Variants in C1orf21 observed in about 807,000 individuals in gnomAD.
The protein encoded by C1orf21 is uncharacterized protein C1orf21.
Under a neutral mutation model 18.7 loss-of-function variants are expected in C1orf21, and 3 were observed. The observed-to-expected ratio is 0.16, with a 90% CI of 0.07 to 0.42. The LOEUF is 0.42. Ranked by LOEUF, C1orf21 falls within the 10% of genes least tolerant of loss-of-function variation. The pLI, the probability that C1orf21 is intolerant of heterozygous loss-of-function variation, is 0.99. For missense variants in C1orf21, 104 were observed against 143.6 expected (o/e 0.72, Z 1.41); for synonymous variants, 41 against 46.4 (o/e 0.88, Z 0.47).
At chr1:184,450,705 T>G (rs1046034132) in intron 1 of C1orf21, among the ~76,000 whole-genome samples, 21 of 152,186 alleles carry the variant, frequency 1.4e-4, no homozygotes, top group Admixed American at 2.6e-4. Flanking sequence ...AATATTATAC[T>G]TAATTAAATT....
intron 2 of C1orf21, among the ~76,000 whole-genome samples, chr1:184,478,708 G>C (rs1192075956): frequency 6.6e-6 from 1 of 152,138 alleles, no homozygotes; most frequent in African/African-American, 2.4e-5. Flanking sequence ...TGATTATTTT[G>C]AAGTATGGAT....
intron 3 of C1orf21, among the ~76,000 whole-genome samples, chr1:184,520,368 G>T (rs1394810201): frequency 6.6e-6 from 1 of 152,174 alleles, no homozygotes; most frequent in Non-Finnish European, 1.5e-5. Flanking sequence ...CAGGAATCTG[G>T]TGAGTGGAAC....
At chr1:184,612,071 A>G (rs1659744179) in intron 5 of C1orf21, among the ~76,000 whole-genome samples, 2 of 152,240 alleles carry the variant, frequency 1.3e-5, no homozygotes, top group Non-Finnish European at 2.9e-5. Flanking sequence ...AAAAGGCATT[A>G]TCTCAGTGAC....
intron 1 of C1orf21, among the ~76,000 whole-genome samples, chr1:184,455,880 C>G (rs553043077): frequency 3.4e-4 from 51 of 152,230 alleles, no homozygotes; most frequent in African/African-American, 1.2e-3. Flanking sequence ...GTATAATTCT[C>G]TATGTATAGG....
intron 1 of C1orf21, among the ~76,000 whole-genome samples, chr1:184,396,171 G>C (rs1471744411): frequency 6.6e-6 from 1 of 152,180 alleles, no homozygotes; most frequent in Non-Finnish European, 1.5e-5. Flanking sequence ...GTCATGCTAA[G>C]AGTTTGGACT....
intron 5 of C1orf21, among the ~76,000 whole-genome samples, chr1:184,610,675 T>C (rs1020114944): frequency 6.6e-6 from 1 of 151,920 alleles, no homozygotes; most frequent in Non-Finnish European, 1.5e-5. Context: ...TGAAATCCTG[T>C]CTCTACTAAA....
intron 4 of C1orf21, among the ~76,000 whole-genome samples, chr1:184,591,822 A>AC (rs1180686821): frequency 6.6e-6 from 1 of 152,084 alleles, no homozygotes; most frequent in East Asian, 1.9e-4. Flanking sequence ...AAAAAAAAAA[A>AC]AGAAAATATA....
chr1:184,502,501 C>CTT (rs555448341), intron 2 of C1orf21, among the ~76,000 whole-genome samples: 2 of 148,072 alleles, frequency 1.4e-5, no homozygotes, highest in African/African-American at 2.5e-5. Flanking sequence ...CTTTTCATTT[C>CTT]TTTTTTTTTT....
At chr1:184,548,002 C>T (rs1658751452) in intron 3 of C1orf21, among the ~76,000 whole-genome samples, 1 of 152,204 alleles carries the variant, frequency 6.6e-6, no homozygotes, top group Non-Finnish European at 1.5e-5. Flanking sequence ...CCTGCTCCTC[C>T]TGACCATAGC....
At chr1:184,610,375 A>G (rs1659710772) in intron 5 of C1orf21, among the ~76,000 whole-genome samples, 1 of 152,224 alleles carries the variant, frequency 6.6e-6, no homozygotes, top group African/African-American at 2.4e-5. Flanking sequence ...GGCCCTTCCC[A>G]GAGGAAGTTT....
At chr1:184,584,602 A>G (rs1659328031) in intron 3 of C1orf21, among the ~76,000 whole-genome samples, 1 of 152,248 alleles carries the variant, frequency 6.6e-6, no homozygotes, top group African/African-American at 2.4e-5. Context: ...CGTGTCTACA[A>G]AAAGACTTCT....
At chr1:184,407,333 C>A (rs561522201) in intron 1 of C1orf21, among the ~76,000 whole-genome samples, 1 of 151,202 alleles carries the variant, frequency 6.6e-6, no homozygotes, top group Non-Finnish European at 1.5e-5. Flanking sequence ...CTAACTGTGG[C>A]TAAAACATTT....
At chr1:184,613,438 G>A (rs1156734884) in intron 5 of C1orf21, among the ~76,000 whole-genome samples, 1 of 152,176 alleles carries the variant, frequency 6.6e-6, no homozygotes, top group African/African-American at 2.4e-5. Context: ...TCTCTTTGCA[G>A]TCCTGTTGCC....
At chr1:184,567,830 C>T (rs1327731438) in intron 3 of C1orf21, 6 of 222,592 alleles carry the variant, frequency 2.7e-5, no homozygotes, top group South Asian at 2.1e-4. Flanking sequence ...TTGTTTCCTG[C>T]AAGCCCCGTG....
chr1:184,543,548 T>A (rs1221796296), intron 3 of C1orf21, among the ~76,000 whole-genome samples: 1 of 152,214 alleles, frequency 6.6e-6, no homozygotes, highest in Non-Finnish European at 1.5e-5. Flanking sequence ...TTTTTGGCCC[T>A]TGGTATCTGG....
intron 3 of C1orf21, among the ~76,000 whole-genome samples, chr1:184,577,947 G>GTTTTGTTTTTTTTTTTTTT (rs1571285782): frequency 1.2e-5 from 1 of 86,748 alleles, no homozygotes; most frequent in African/African-American, 5.5e-5. Context: ...TTTTTGTTTT[G>GTTTTGTTTTTTTTTTTTTT]TTTTTGTTTT....
At chr1:184,610,291 G>A (rs149394988) in intron 5 of C1orf21, among the ~76,000 whole-genome samples, 23 of 152,266 alleles carry the variant, frequency 1.5e-4, no homozygotes, top group East Asian at 3.9e-4. Context: ...ATCTATGGCC[G>A]CTTTCAAGCT....
rs375120028 is a variant in C1orf21, at chr1:184,559,654, TTC to T, written c.190-31083_190-31082del. Among the ~76,000 whole-genome samples, 257 of 129,148 alleles carry T rather than the reference TTC, an allele frequency of 2.0e-3. 1 individual carries two copies. The highest frequency in any genetic ancestry group is 7.2e-3 in the African/African-American group (253 of 35,024). 84.7% of individuals were successfully genotyped at this position (129,148 alleles called of 152,430 possible). A position where few individuals can be genotyped will look rare whatever the true frequency, so the allele number is the denominator to read the frequency against. On this transcript the variant is annotated intron_variant, in intron 3 of 5. Transcript: ENST00000235307. ...TACTTTCTTTCCTTTCTTTCACATG[TTC>T]TGTCACCCAGACTAAAGTGCAGTGG...
rs951458752 is a variant in C1orf21, at chr1:184,623,538, T to C, written c.*3982T>C. On this transcript the variant is annotated 3_prime_UTR_variant, in exon 6 of 6. Transcript: ENST00000235307. ...ATGATTGGTGGGGAGGGAATGTGTA[T>C]TTAGGGGCATAATAAAAAGGTGGCT... 6 of 152,164 alleles carry C rather than the reference T, an allele frequency of 3.9e-5. No homozygotes were observed. Among genetic ancestry groups the C allele is most frequent in the African/African-American group, 1.4e-4 (6 of 41,402 alleles). The allele number at this position is 152,164 out of a possible 1,614,324, so 9.4% of individuals were successfully genotyped here.
Sources: gnomAD v4.1 joint callset for allele counts (sites outside exome capture counted in the v4.1 genomes callset) on GRCh38, gnomAD v4.1.1 for gene constraint, MANE v1.5 for transcripts, NCBI Gene and HGNC (gene_info 2026-07-23, HGNC 2026-07-21) for gene names.